MAP3K20: variants seen among roughly 807,000 people sequenced by gnomAD.
The protein encoded by MAP3K20 is HCCS-4.
A neutral mutation model predicts 85.7 loss-of-function variants in MAP3K20; 40 were observed. That is an observed-to-expected ratio of 0.47 (90% CI 0.36 to 0.61). MAP3K20 has a LOEUF of 0.61. MAP3K20 is among the 20% of genes least tolerant of loss of function. The pLI, the probability that MAP3K20 is intolerant of heterozygous loss-of-function variation, is 0.00. For missense variants in MAP3K20, 817 were observed against 961.7 expected (o/e 0.85, Z 1.99); for synonymous variants, 325 against 327.7 (o/e 0.99, Z 0.09).
chr2:173,090,787 A>T, intron 1 of MAP3K20: 1 of 1,174,264 alleles, frequency 8.5e-7, no homozygotes. Flanking sequence ...GCTGTGTTTC[A>T]AAGTCTGGGC....
At chr2:173,224,112 T>C in intron 11 of MAP3K20, 2 of 852,398 alleles carry the variant, frequency 2.3e-6, no homozygotes, top group East Asian at 1.2e-4. Context: ...GCATCATATG[T>C]TCACATTTGA....
intron 2 of MAP3K20, among the ~76,000 whole-genome samples, chr2:173,117,277 A>G (rs955555199): frequency 6.6e-6 from 1 of 151,950 alleles, no homozygotes; most frequent in Non-Finnish European, 1.5e-5. Context: ...AAACTTCCTC[A>G]TTTATTTATT....
At chr2:173,224,787 C>CT in intron 11 of MAP3K20, 1 of 985,254 alleles carries the variant, frequency 1.0e-6, no homozygotes, top group Non-Finnish European at 1.2e-6. Flanking sequence ...GTGTCCCACT[C>CT]TATCTGTAAA....
At chr2:173,234,989 G>A (rs954672543) in intron 14 of MAP3K20, among the ~76,000 whole-genome samples, 1 of 152,234 alleles carries the variant, frequency 6.6e-6, no homozygotes. Flanking sequence ...CGAATGGAGA[G>A]AAGGGGAAGA....
intron 11 of MAP3K20, among the ~76,000 whole-genome samples, chr2:173,228,350 G>T (rs1401771025): frequency 6.6e-6 from 1 of 151,674 alleles, no homozygotes; most frequent in Non-Finnish European, 1.5e-5. Context: ...GTTTTGCCTT[G>T]TTGCTTCTCT....
chr2:173,217,790 TTCTC>T (rs1409023922), intron 11 of MAP3K20, among the ~76,000 whole-genome samples: 1 of 152,204 alleles, frequency 6.6e-6, no homozygotes, highest in Admixed American at 6.5e-5. Context: ...TGGAAAAAGA[TTCTC>T]TCTGGACAAG....
intron 2 of MAP3K20, among the ~76,000 whole-genome samples, chr2:173,145,930 GAT>G (rs3037115): frequency 1.3e-5 from 2 of 151,248 alleles, no homozygotes; most frequent in East Asian, 1.9e-4. Context: ...ATGAACTACT[GAT>G]ATATATATAT....
intron 1 of MAP3K20, among the ~76,000 whole-genome samples, chr2:173,083,461 C>T (rs528407577): frequency 6.6e-6 from 1 of 152,176 alleles, no homozygotes; most frequent in South Asian, 2.1e-4. Context: ...TCAAGCGATC[C>T]TCCTGCCTCA....
intron 2 of MAP3K20, among the ~76,000 whole-genome samples, chr2:173,106,447 C>A (rs559425694): frequency 1.4e-3 from 208 of 152,236 alleles, no homozygotes; most frequent in African/African-American, 4.9e-3. Context: ...AAAGGGTAAC[C>A]TTTTCTAGAA....
At chr2:173,153,811 T>G (rs1310546702) in intron 2 of MAP3K20, among the ~76,000 whole-genome samples, 1 of 152,230 alleles carries the variant, frequency 6.6e-6, no homozygotes, top group African/African-American at 2.4e-5. Flanking sequence ...TCATCTCTAA[T>G]TACTCATACT....
At chr2:173,224,743 CCTAAAAT>C in intron 11 of MAP3K20, 1 of 985,372 alleles carries the variant, frequency 1.0e-6, no homozygotes, top group Non-Finnish European at 1.2e-6. Context: ...TTAAAACATC[CCTAAAAT>C]CTAAATCATA....
intron 11 of MAP3K20, among the ~76,000 whole-genome samples, chr2:173,219,564 G>T (rs1559285700): frequency 6.6e-6 from 1 of 152,112 alleles, no homozygotes; most frequent in South Asian, 2.1e-4. Flanking sequence ...AATTGAAAAC[G>T]AATTTCAGAA....
chr2:173,253,291 C>T (rs758438078), intron 16 of MAP3K20, among the ~76,000 whole-genome samples: 9 of 152,138 alleles, frequency 5.9e-5, no homozygotes, highest in South Asian at 2.1e-4. Flanking sequence ...GCTCCTAATT[C>T]GGTTCTGGCA....
At chr2:173,171,294 T>A (rs912807894) in intron 3 of MAP3K20, among the ~76,000 whole-genome samples, 7 of 152,240 alleles carry the variant, frequency 4.6e-5, no homozygotes, top group Non-Finnish European at 8.8e-5. Flanking sequence ...TATATTTACT[T>A]TTTAAATCTG....
At chr2:173,180,245 A>G (rs570140597) in intron 3 of MAP3K20, among the ~76,000 whole-genome samples, 9 of 152,362 alleles carry the variant, frequency 5.9e-5, no homozygotes, top group African/African-American at 2.2e-4. Context: ...ATAATACAAT[A>G]TTGGCACAAT....
chr2:173,263,081 G>C (rs374534828), intron 18 of MAP3K20, among the ~76,000 whole-genome samples: 1 of 152,094 alleles, frequency 6.6e-6, no homozygotes, highest in African/African-American at 2.4e-5. Context: ...TTGAATCCTG[G>C]AGACTCTTTA....
At chr2:173,082,233 C>A (rs1687032473) in intron 1 of MAP3K20, among the ~76,000 whole-genome samples, 1 of 152,098 alleles carries the variant, frequency 6.6e-6, no homozygotes, top group South Asian at 2.1e-4. Flanking sequence ...GTCTTAAATG[C>A]CTGACCTCAA....
chr2:173,097,184 C>T (rs111540961), intron 2 of MAP3K20, among the ~76,000 whole-genome samples: 2,371 of 152,156 alleles, frequency 0.016, 60 homozygotes, highest in African/African-American at 0.054. Context: ...ATCGAAACCC[C>T]GTCTCTACTA....
intron 1 of MAP3K20, among the ~76,000 whole-genome samples, chr2:173,082,608 G>A (rs1383246506): frequency 6.6e-6 from 1 of 152,200 alleles, no homozygotes; most frequent in Non-Finnish European, 1.5e-5. Context: ...ACTGAAGTGA[G>A]CCTTGTTTAC....
Sources: gnomAD v4.1 joint callset for allele counts (sites outside exome capture counted in the v4.1 genomes callset) on GRCh38, gnomAD v4.1.1 for gene constraint, MANE v1.5 for transcripts, NCBI Gene and HGNC (gene_info 2026-07-23, HGNC 2026-07-21) for gene names.